Variants in KCND2 observed in about 807,000 individuals in gnomAD.
KCND2 encodes potassium voltage-gated channel subfamily D member 2.
Under a neutral mutation model 54.4 loss-of-function variants are expected in KCND2, and 16 were observed. The ratio of observed to expected loss-of-function variants is 0.29; its 90% CI spans 0.20 to 0.45. KCND2 has a LOEUF of 0.45. Among genes scored for constraint, KCND2 ranks in the 20% least tolerant of loss-of-function variants. The pLI is 1.00. For missense variants in KCND2, 486 were observed against 824.2 expected, an observed-to-expected ratio of 0.59 and a Z score of 5.02; for synonymous variants, 317 against 310.7, an observed-to-expected ratio of 1.02 and a Z score of -0.21.
intron 1 of KCND2, among the ~76,000 whole-genome samples, chr7:120,505,036 G>A (rs965611486): frequency 6.6e-6 from 1 of 151,604 alleles, no homozygotes; most frequent in Non-Finnish European, 1.5e-5. Flanking sequence ...TTAGTTACAG[G>A]TAACAGTTTT....
chr7:120,343,058 G>A lies in KCND2; in HGVS notation c.1115+67311G>A, dbSNP rs189114791. Reference sequence around the variant, plus strand: ...TTCATCCTTGTTGAATCCTCTGTATGTGGCCATTCAAAAAGTACAAAGAAG... The same window carrying A: ...TTCATCCTTGTTGAATCCTCTGTATATGGCCATTCAAAAAGTACAAAGAAG... On this transcript the variant is annotated intron_variant, in intron 1 of 5. Transcript: ENST00000331113. Among the ~76,000 whole-genome samples, 15 of 152,190 alleles carry A rather than the reference G, an allele frequency of 9.9e-5. No homozygotes were observed. In the East Asian group the frequency reaches 2.7e-3, roughly 27 times the overall value.
intron 1 of KCND2, among the ~76,000 whole-genome samples, chr7:120,655,703 AT>A (rs1791793674): frequency 6.6e-6 from 1 of 152,082 alleles, no homozygotes; most frequent in Admixed American, 6.6e-5. Context: ...TTTCTCACAC[AT>A]TTGTGAAAGC....
chr7:120,410,898 A>C (rs1456838767), intron 1 of KCND2, among the ~76,000 whole-genome samples: 1 of 152,026 alleles, frequency 6.6e-6, no homozygotes, highest in Admixed American at 6.6e-5. Context: ...ATGGCTGCAT[A>C]GCATTCCATG....
At chr7:120,298,156 A>G (rs772577804) in intron 1 of KCND2, among the ~76,000 whole-genome samples, 18 of 152,160 alleles carry the variant, frequency 1.2e-4, no homozygotes, top group Non-Finnish European at 2.4e-4. Context: ...TAAGTTTTGT[A>G]TTTCTAAAGA....
intron 1 of KCND2, among the ~76,000 whole-genome samples, chr7:120,586,402 C>T (rs541029889): frequency 1.3e-5 from 2 of 152,148 alleles, no homozygotes; most frequent in South Asian, 4.2e-4. Context: ...AAAATTTAGT[C>T]ACACATAAAA....
intron 1 of KCND2, among the ~76,000 whole-genome samples, chr7:120,400,521 A>G (rs539287148): frequency 7.9e-5 from 12 of 152,184 alleles, no homozygotes; most frequent in Non-Finnish European, 1.6e-4. Context: ...TTATACTCCC[A>G]TAGCCTGTTA....
intron 1 of KCND2, among the ~76,000 whole-genome samples, chr7:120,709,081 T>G (rs779791135): frequency 6.6e-6 from 1 of 152,260 alleles, no homozygotes; most frequent in African/African-American, 2.4e-5. Context: ...CTACCAAGGC[T>G]GCATAATTTC....
intron 1 of KCND2, among the ~76,000 whole-genome samples, chr7:120,626,737 C>T (rs1793168640): frequency 6.6e-6 from 1 of 152,096 alleles, no homozygotes; most frequent in Non-Finnish European, 1.5e-5. Flanking sequence ...CAAAGTATTG[C>T]CTTTCTCTTT....
intron 1 of KCND2, among the ~76,000 whole-genome samples, chr7:120,420,088 G>GT (rs1801590289): frequency 6.6e-6 from 1 of 151,288 alleles, no homozygotes; most frequent in African/African-American, 2.4e-5. Flanking sequence ...TTCTAAACCT[G>GT]TTTCTTTTTT....
chr7:120,500,773 T>C (rs1255857166), intron 1 of KCND2, among the ~76,000 whole-genome samples: 1 of 151,302 alleles, frequency 6.6e-6, no homozygotes, highest in Non-Finnish European at 1.5e-5. Context: ...TAAATATGTG[T>C]CTGGGAGTTA....
At chr7:120,318,868 T>G (rs1191897809) in intron 1 of KCND2, among the ~76,000 whole-genome samples, 1 of 152,064 alleles carries the variant, frequency 6.6e-6, no homozygotes, top group East Asian at 1.9e-4. Context: ...AAATAGAACA[T>G]CATTCACTTG....
chr7:120,667,089 A>T (rs910944349), intron 1 of KCND2, among the ~76,000 whole-genome samples: 1 of 152,062 alleles, frequency 6.6e-6, no homozygotes, highest in South Asian at 2.1e-4. Flanking sequence ...ACTTCAATCA[A>T]CAATCACTTC....
chr7:120,571,052 C>T (rs1792359687), intron 1 of KCND2, among the ~76,000 whole-genome samples: 1 of 152,202 alleles, frequency 6.6e-6, no homozygotes, highest in African/African-American at 2.4e-5. Context: ...ATAATGGCTC[C>T]TGGTAGCCCT....
At chr7:120,680,988 G>A (rs1017223127) in intron 1 of KCND2, among the ~76,000 whole-genome samples, 4 of 152,004 alleles carry the variant, frequency 2.6e-5, no homozygotes, top group Non-Finnish European at 5.9e-5. Context: ...TTTAGGTATT[G>A]AACTATCAAT....
intron 1 of KCND2, among the ~76,000 whole-genome samples, chr7:120,532,020 T>C (rs1223039007): frequency 6.6e-6 from 1 of 152,072 alleles, no homozygotes; most frequent in Non-Finnish European, 1.5e-5. Context: ...TGATCATTGA[T>C]TGGACAGGTC....
intron 1 of KCND2, among the ~76,000 whole-genome samples, chr7:120,609,176 G>T (rs1792919943): frequency 6.6e-6 from 1 of 151,890 alleles, no homozygotes; most frequent in African/African-American, 2.4e-5. Flanking sequence ...TCACTGCCTT[G>T]AGGACTTTGC....
chr7:120,299,283 G>A (rs989254170), intron 1 of KCND2, among the ~76,000 whole-genome samples: 5 of 152,116 alleles, frequency 3.3e-5, no homozygotes, highest in Admixed American at 2.6e-4. Flanking sequence ...GTAGACAGAT[G>A]CCATTCACTA....
intron 1 of KCND2, among the ~76,000 whole-genome samples, chr7:120,623,711 A>T (rs1440828543): frequency 6.6e-6 from 1 of 152,240 alleles, no homozygotes; most frequent in Non-Finnish European, 1.5e-5. Flanking sequence ...TTAAATTGTA[A>T]AATGGATGAT....
intron 1 of KCND2, among the ~76,000 whole-genome samples, chr7:120,710,828 T>G (rs902891837): frequency 2.0e-5 from 3 of 152,166 alleles, no homozygotes; most frequent in Non-Finnish European, 4.4e-5. Flanking sequence ...AAAGCATGCA[T>G]TCATACCCAA....
Sources: allele counts gnomAD v4.1 joint callset (sites outside exome capture counted in the v4.1 genomes callset), GRCh38; gene constraint gnomAD v4.1.1; transcripts MANE v1.5; gene names NCBI Gene and HGNC (gene_info 2026-07-23, HGNC 2026-07-21).